The following SDK2 variants were observed in gnomAD, a reference collection of about 807,000 sequenced individuals.
SDK2 encodes the protein protein sidekick-2.
SDK2 carries 105 observed loss-of-function variants against 253.9 expected under a neutral mutation model. That is an observed-to-expected ratio of 0.41 (90% CI 0.35 to 0.49). The LOEUF is 0.49. SDK2 is among the 20% of genes least tolerant of loss of function. The pLI, the probability that SDK2 is intolerant of heterozygous loss-of-function variation, is 0.06. For missense variants in SDK2, 2,608 were observed against 3,003.0 expected, an observed-to-expected ratio of 0.87 and a Z score of 3.07; for synonymous variants, 1,249 against 1,234.9, an observed-to-expected ratio of 1.01 and a Z score of -0.24.
intron 1 of SDK2, among the ~76,000 whole-genome samples, chr17:73,587,727 C>G (rs547880748): frequency 3.3e-5 from 5 of 152,332 alleles, no homozygotes; most frequent in Admixed American, 1.3e-4. Context: ...CTCTTTGTGC[C>G]CATCAAACCC....
chr17:73,503,523 C>T (rs2063906474), intron 2 of SDK2, among the ~76,000 whole-genome samples: 1 of 152,004 alleles, frequency 6.6e-6, no homozygotes, highest in African/African-American at 2.4e-5. Context: ...TGTGATGGTA[C>T]ATGTATGCAG....
At chr17:73,354,122 G>GCCTCAA (rs955764590) in intron 40 of SDK2, among the ~76,000 whole-genome samples, 1 of 152,094 alleles carries the variant, frequency 6.6e-6, no homozygotes, top group African/African-American at 2.4e-5. Context: ...GCTCACTGCA[G>GCCTCAA]CCTCAACCTC....
intron 1 of SDK2, among the ~76,000 whole-genome samples, chr17:73,535,054 C>T (rs1418476602): frequency 6.6e-6 from 1 of 152,160 alleles, no homozygotes; most frequent in African/African-American, 2.4e-5. Context: ...AGTGGAACCT[C>T]TTCCCTGCCC....
intron 3 of SDK2, among the ~76,000 whole-genome samples, chr17:73,456,454 C>A (rs1338588263): frequency 1.3e-5 from 2 of 152,172 alleles, no homozygotes; most frequent in Non-Finnish European, 2.9e-5. Flanking sequence ...TATGTAGCTC[C>A]TCCTCCCCTG....
chr17:73,459,942 G>C (rs1459687414), intron 3 of SDK2, among the ~76,000 whole-genome samples: 1 of 152,188 alleles, frequency 6.6e-6, no homozygotes, highest in East Asian at 1.9e-4. Context: ...ATATGTGTAT[G>C]TCAGGCTGTG....
intron 15 of SDK2, among the ~76,000 whole-genome samples, chr17:73,421,059 T>G (rs1481885643): frequency 6.6e-6 from 1 of 152,218 alleles, no homozygotes; most frequent in Non-Finnish European, 1.5e-5. Context: ...CAGGAGAAGT[T>G]GCAGGGTAGC....
chr17:73,631,960 G>A (rs2046276767), intron 1 of SDK2, among the ~76,000 whole-genome samples: 1 of 152,184 alleles, frequency 6.6e-6, no homozygotes, highest in Admixed American at 6.5e-5. Flanking sequence ...AAATTAAGAG[G>A]GGGAGGTGGG....
chr17:73,571,131 C>T (rs1018488530), intron 1 of SDK2, among the ~76,000 whole-genome samples: 7 of 151,468 alleles, frequency 4.6e-5, no homozygotes, highest in South Asian at 2.1e-4. Context: ...TGCAGTGGTG[C>T]GATCTCGGCT....
At chr17:73,556,034 A>T (rs1171391786) in intron 1 of SDK2, among the ~76,000 whole-genome samples, 1 of 151,920 alleles carries the variant, frequency 6.6e-6, no homozygotes, top group Non-Finnish European at 1.5e-5. Flanking sequence ...GCTTTGGGAG[A>T]CATGGGGGCA....
chr17:73,369,807 G>C (rs968565842), intron 36 of SDK2, among the ~76,000 whole-genome samples: 1 of 152,136 alleles, frequency 6.6e-6, no homozygotes, highest in African/African-American at 2.4e-5. Context: ...CACCACGCCC[G>C]GCTAATTTTT....
In SDK2 at chr17:73,352,552, G is replaced by C. The variant is rs573974183; in HGVS notation, c.5679C>G (p.Gly1893=). 3.1e-6 allele frequency: 5 copies of C among 1,613,910 alleles called. No homozygotes were observed. In the East Asian group the frequency reaches 1.1e-4, roughly 36 times the overall value. The part of the protein sequence containing the change: ...YTFSMDILKP[G]VSYDFRVIAV... ...CGATGACCCGGAAGTCATAGCTCACGCCCGGCTTCAGGATGTCCATGCTGA... is the reference window on the plus strand; with the variant it reads ...CGATGACCCGGAAGTCATAGCTCACCCCCGGCTTCAGGATGTCCATGCTGA... The change falls in exon 41 of 45, where the codon GGC becomes GGG. Residue 1893 remains glycine, a synonymous_variant. Transcript: ENST00000392650. This position sits in a 1 kb window ranked among gnomAD's most constrained non-coding sequence, Gnocchi z 4.1.
chr17:73,618,556 A>G lies in SDK2; in HGVS notation c.64+25469T>C, dbSNP rs1327005776. On this transcript the variant is annotated intron_variant, in intron 1 of 44. Transcript: ENST00000392650. The surrounding 1 kb of genome is among the most constrained non-coding windows in gnomAD (Gnocchi z 4.1). ...GGACAGTGTGAGAAATGAGAGAGGA[A>G]AAAGGAGTCTCCATTTCTGCCCCAT... Among the ~76,000 whole-genome samples, 1 of 152,202 alleles carries G rather than the reference A, an allele frequency of 6.6e-6. No homozygotes were observed. Among genetic ancestry groups the G allele is most frequent in the Non-Finnish European group, 1.5e-5 (1 of 68,036 alleles).
chr17:73,594,710 CACAAAT>C (rs1295398895), intron 1 of SDK2, among the ~76,000 whole-genome samples: 3 of 152,064 alleles, frequency 2.0e-5, no homozygotes, highest in Non-Finnish European at 4.4e-5. Context: ...CAAATACATG[CACAAAT>C]ACAAATACAT....
At chr17:73,536,260 C>A (rs1323116916) in intron 1 of SDK2, among the ~76,000 whole-genome samples, 1 of 152,180 alleles carries the variant, frequency 6.6e-6, no homozygotes, top group Non-Finnish European at 1.5e-5. Flanking sequence ...CCTTTAAGAA[C>A]CCCTGGACCT....
Position 73,401,956 on chromosome 17 carries a change from G to C in SDK2, c.2670C>G (p.Thr890=). 1.2e-6 allele frequency: 2 copies of C among 1,608,248 alleles called. No individual in the cohort carries two copies. The highest frequency in any genetic ancestry group is 1.7e-6 in the Non-Finnish European group (2 of 1,177,270). The part of the protein sequence containing the change: ...GPRSTPQLVR[T]HEDVPGPVGH... ...CTGGGGGGTGCCTACCATCCTCATG[G>C]GTGCGCACCAGCTGCGGGGTGCTGC... The change falls in exon 19 of 45, where the codon ACC becomes ACG. Residue 890 remains threonine (T), a synonymous_variant. Transcript: ENST00000392650.
At chr17:73,500,902 A>G (rs373256972) in intron 2 of SDK2, among the ~76,000 whole-genome samples, 1 of 148,242 alleles carries the variant, frequency 6.7e-6, no homozygotes, top group South Asian at 2.2e-4. Context: ...TCCATCCTCC[A>G]TCCATCCTCC....
rs566145611 is a variant in SDK2 at position 73,338,110 on chromosome 17, G to C, written c.*477C>G. The C allele has an allele frequency of 3.9e-6, 1 of 256,148 alleles. No homozygotes were observed. Among genetic ancestry groups the C allele is most frequent in the South Asian group, 3.8e-5 (1 of 26,294 alleles). The allele number at this position is 256,148 out of a possible 1,614,324, so 15.9% of individuals were successfully genotyped here. On this transcript the variant is annotated 3_prime_UTR_variant, in exon 45 of 45. Transcript: ENST00000392650. This position sits in a 1 kb window ranked among gnomAD's most constrained non-coding sequence, Gnocchi z 5.0. ...GGAGGAGCAGAGAGAGAAGATAGGC[G>C]TGGCCTCCGGGATGCCCATTCTTTT...
chr17:73,564,834 CA>C (rs200918401), intron 1 of SDK2, among the ~76,000 whole-genome samples: 1 of 101,274 alleles, frequency 9.9e-6, no homozygotes, highest in Non-Finnish European at 2.2e-5. Context: ...GAAAAAAAAA[CA>C]AAAAACAAAA....
chr17:73,608,714 ATT>A (rs2045937595), intron 1 of SDK2, among the ~76,000 whole-genome samples: 1 of 152,160 alleles, frequency 6.6e-6, no homozygotes, highest in South Asian at 2.1e-4. Context: ...AAGTGCTGGG[ATT>A]ATAGGTGTGA....
Sources: allele counts gnomAD v4.1 joint callset (sites outside exome capture counted in the v4.1 genomes callset), GRCh38; gene constraint gnomAD v4.1.1; non-coding constraint Gnocchi (gnomAD v3.1); transcripts MANE v1.5; gene names NCBI Gene and HGNC (gene_info 2026-07-23, HGNC 2026-07-21).